GLDC: variants seen among roughly 807,000 people sequenced by gnomAD.
GLDC encodes the protein glycine dehydrogenase (decarboxylating), mitochondrial.
Under a neutral mutation model 121.3 loss-of-function variants are expected in GLDC, and 104 were observed. The ratio of observed to expected loss-of-function variants is 0.86; its 90% CI spans 0.73 to 1.01. The LOEUF is 1.01. Ranked by LOEUF, GLDC falls within the 50% of genes least tolerant of loss-of-function variation. The pLI is 0.00. For synonymous variants in GLDC, 546 were observed against 480.6 expected, an observed-to-expected ratio of 1.14 and a Z score of -1.78; for missense variants, 1,429 against 1,306.6, an observed-to-expected ratio of 1.09 and a Z score of -1.44.
chr9:6,608,125 A>T (rs1209634853), intron 4 of GLDC, among the ~76,000 whole-genome samples: 1 of 150,738 alleles, frequency 6.6e-6, no homozygotes, highest in Non-Finnish European at 1.5e-5. Flanking sequence ...TCAAAAAAAC[A>T]ATTGAGGGCC....
At chr9:6,620,140 T>C (rs749467518) in intron 3 of GLDC, 44 bp downstream of exon 3, 1 of 1,593,242 alleles carries the variant, frequency 6.3e-7, no homozygotes, top group Non-Finnish European at 8.6e-7. Flanking sequence ...GAGAGAATTA[T>C]GCAAATCACA....
At chr9:6,590,520 C>CCT (rs1461608710) in intron 11 of GLDC, among the ~76,000 whole-genome samples, 3 of 152,008 alleles carry the variant, frequency 2.0e-5, no homozygotes, top group Middle Eastern at 3.2e-3. Flanking sequence ...GCACCTCCCT[C>CCT]CTCTCTCTCT....
At chr9:6,614,379 C>T (rs1818927019) in intron 3 of GLDC, among the ~76,000 whole-genome samples, 1 of 151,650 alleles carries the variant, frequency 6.6e-6, no homozygotes, top group Non-Finnish European at 1.5e-5. Flanking sequence ...GGACTACAGG[C>T]ATGCACCACC....
intron 2 of GLDC, among the ~76,000 whole-genome samples, chr9:6,634,942 A>G (rs1363477321): frequency 1.3e-5 from 2 of 152,040 alleles, no homozygotes; most frequent in Admixed American, 6.6e-5. Context: ...TAGAGGGGGG[A>G]AAATAAATCC....
In GLDC at chr9:6,553,469, T is replaced by C; in HGVS notation, c.2356A>G (p.Ile786Val). ...LAPFLPNHPVISLKRNEDACP... is the reference protein window; with the variant it reads ...LAPFLPNHPVVSLKRNEDACP... The stretch of plus-strand genomic sequence containing the variant: ...GCATCCTCATTCCGCTTTAGTGAAA[T>C]GACGGGATGATTGGGCAAAAACGGG... The change falls in exon 20 of 25, where the codon ATT becomes GTT. Residue 786 changes from isoleucine (I) to valine (V), a missense_variant. Physicochemically the swap from Ile to Val is conservative, Grantham distance 29 (BLOSUM62 3). Coordinates refer to ENST00000321612, the MANE Select transcript of GLDC (RefSeq NM_000170.3). 8.1e-6 allele frequency: 13 copies of C among 1,614,022 alleles called. No individual in the cohort carries two copies. The highest frequency in any genetic ancestry group is 1.1e-5 in the Non-Finnish European group (13 of 1,179,948).
intron 2 of GLDC, among the ~76,000 whole-genome samples, chr9:6,643,743 A>G (rs1237253813): frequency 2.6e-5 from 4 of 151,934 alleles, no homozygotes; most frequent in Non-Finnish European, 4.4e-5. Flanking sequence ...TTCTAGAAAA[A>G]CCATTCGGGG....
intron 18 of GLDC, 67 bp downstream of exon 18, chr9:6,556,086 A>AT (rs113823772): frequency 0.087 from 84,349 of 970,186 alleles, 1 homozygote; most frequent in Non-Finnish European, 0.096. Context: ...AGAAGTCAGA[A>AT]TTTTTTTTTT....
intron 2 of GLDC, among the ~76,000 whole-genome samples, chr9:6,637,308 G>C (rs79576744): frequency 2.4e-3 from 362 of 151,776 alleles, no homozygotes; most frequent in African/African-American, 8.4e-3. Context: ...GGGAGGCAGA[G>C]GCAGGAGAAT....
intron 4 of GLDC, among the ~76,000 whole-genome samples, chr9:6,609,089 C>T (rs1268183029): frequency 1.3e-5 from 2 of 152,158 alleles, no homozygotes; most frequent in African/African-American, 4.8e-5. Flanking sequence ...ACCTAAGACA[C>T]GGCCAGCATG....
intron 8 of GLDC, among the ~76,000 whole-genome samples, chr9:6,596,237 T>C (rs1818492151): frequency 6.6e-6 from 1 of 152,176 alleles, no homozygotes; most frequent in African/African-American, 2.4e-5. Flanking sequence ...ACCACAATAT[T>C]GTAGAGGTTG....
intron 2 of GLDC, among the ~76,000 whole-genome samples, chr9:6,629,958 T>TATATATATATATGTGTATATATATA: frequency 5.1e-5 from 4 of 78,656 alleles, no homozygotes; most frequent in Non-Finnish European, 9.8e-5. Context: ...TATATATATA[T>TATATATATATATGTGTATATATATA]TTTTTTTTTT....
chr9:6,538,242 C>T (rs1476428242), intron 22 of GLDC, among the ~76,000 whole-genome samples: 3 of 151,952 alleles, frequency 2.0e-5, no homozygotes, highest in Non-Finnish European at 2.9e-5. Context: ...GAAGTTCTTG[C>T]AAAAGAAATT....
At chr9:6,606,443 G>A (rs1818735242) in intron 5 of GLDC, 149 bp downstream of exon 5, 5 of 690,534 alleles carry the variant, frequency 7.2e-6, no homozygotes, top group Non-Finnish European at 1.3e-5. Context: ...AAAGTGAGAG[G>A]TAAGGCAAAA....
chr9:6,633,741 C>T (rs1819438771), intron 2 of GLDC, among the ~76,000 whole-genome samples: 1 of 149,576 alleles, frequency 6.7e-6, no homozygotes. Context: ...GCCAACACAG[C>T]AAAACTCCAT....
intron 18 of GLDC, 36 bp downstream of exon 18, chr9:6,556,117 C>G: frequency 6.4e-7 from 1 of 1,569,448 alleles, no homozygotes; most frequent in South Asian, 1.1e-5. Flanking sequence ...TCCATTTTCT[C>G]AGTGGGAACT....
chr9:6,610,325 C>T lies in GLDC; in HGVS notation c.502G>A (p.Val168Met), dbSNP rs936791052. Residue 168 changes from valine to methionine, a missense_variant, in exon 4 of 25, where the codon GTG becomes ATG. Coordinates refer to ENST00000321612, the MANE Select transcript of GLDC (RefSeq NM_000170.3). ...ITQYTPYQPE[V>M]SQGRLESLLN... is the part of the protein sequence containing the mutation. ...AAACTCTCCAGCCTCCCCTGAGACA[C>T]CTCAGGCTGGTATGGAGTATACTGG... The T allele has an allele frequency of 8.7e-6, 14 of 1,613,332 alleles. No individual in the cohort carries two copies. Among genetic ancestry groups the T allele is most frequent in the Non-Finnish European group, 9.3e-6 (11 of 1,179,374 alleles).
Position 6,644,661 on chromosome 9 carries a change from G to C in GLDC, c.287C>G (p.Pro96Arg). The C allele has an allele frequency of 1.2e-6, 2 of 1,613,584 alleles. No individual in the cohort carries two copies. Among genetic ancestry groups the C allele is most frequent in the African/African-American group, 1.3e-5 (1 of 75,034 alleles). Residue 96 changes from proline (P) to arginine (R), a missense_variant, in exon 2 of 25, where the codon CCT becomes CGT. Transcript: ENST00000321612. ...SIDELIEKTV[P>R]ANIRLKRPLK... The stretch of plus-strand genomic sequence containing the variant: ...GGGTCTTTTCAAACGGATGTTGGCA[G>C]GGACCGTCTTCTCGATCAATTCATC...
intron 2 of GLDC, among the ~76,000 whole-genome samples, chr9:6,622,167 C>CACAG (rs1367933533): frequency 2.1e-5 from 3 of 141,004 alleles, no homozygotes; most frequent in Non-Finnish European, 4.4e-5. Context: ...CAGACACACA[C>CACAG]ACACACACAC....
chr9:6,637,696 G>A (rs1388036710), intron 2 of GLDC, among the ~76,000 whole-genome samples: 3 of 151,976 alleles, frequency 2.0e-5, no homozygotes, highest in Non-Finnish European at 4.4e-5. Context: ...TGAACTCCTG[G>A]CCTCAAGTGA....
Sources: gnomAD v4.1 joint callset for allele counts (sites outside exome capture counted in the v4.1 genomes callset) on GRCh38, gnomAD v4.1.1 for gene constraint, MANE v1.5 for transcripts, NCBI Gene and HGNC (gene_info 2026-07-23, HGNC 2026-07-21) for gene names.